The following ZDHHC3 variants were observed in gnomAD, a reference collection of about 807,000 sequenced individuals.
The protein encoded by ZDHHC3 is palmitoyltransferase ZDHHC3.
In ZDHHC3, 9 loss-of-function variants were observed where a neutral mutation model predicts 30.6. The observed-to-expected ratio is 0.29, with a 90% CI of 0.18 to 0.51. ZDHHC3 has a LOEUF of 0.51. ZDHHC3 is among the 20% of genes least tolerant of loss of function. The pLI, the probability that ZDHHC3 is intolerant of heterozygous loss-of-function variation, is 0.97. For missense variants in ZDHHC3, 246 were observed against 384.2 expected, an observed-to-expected ratio of 0.64 and a Z score of 3.01; for synonymous variants, 136 against 140.2, an observed-to-expected ratio of 0.97 and a Z score of 0.21.
In ZDHHC3 at chr3:44,959,059, TG is replaced by T; in HGVS notation, c.306+71del. 1 of 1,555,324 alleles carries T rather than the reference TG, an allele frequency of 6.4e-7. No individual in the cohort carries two copies. The highest frequency in any genetic ancestry group is 8.8e-7 in the Non-Finnish European group (1 of 1,138,126). Reference sequence around the variant, plus strand: ...AAGTTCCCAAGGTCCAGGGGGAACATGCAGGCTGTGGCCATGCCAGAGCCAG... The same window carrying T: ...AAGTTCCCAAGGTCCAGGGGGAACATCAGGCTGTGGCCATGCCAGAGCCAG... On this transcript the variant is annotated intron_variant, in intron 2 of 6. Coordinates refer to ENST00000424952, the MANE Select transcript of ZDHHC3 (RefSeq NM_001135179.2). This position sits in a 1 kb window ranked among gnomAD's most constrained non-coding sequence, Gnocchi z 4.3.
At chr3:44,934,646 CT>C (rs1701791278) in intron 3 of ZDHHC3, among the ~76,000 whole-genome samples, 1 of 150,054 alleles carries the variant, frequency 6.7e-6, no homozygotes, top group Admixed American at 6.7e-5. Context: ...AATCCCGGCA[CT>C]TTGCGAAGCT....
intron 1 of ZDHHC3, among the ~76,000 whole-genome samples, chr3:44,966,024 T>C (rs1348864621): frequency 6.6e-6 from 1 of 152,216 alleles, no homozygotes; most frequent in Non-Finnish European, 1.5e-5. Context: ...ATTCAACCAT[T>C]GGAGCCTGTA....
chr3:44,964,882 A>G (rs1704802334), intron 1 of ZDHHC3, among the ~76,000 whole-genome samples: 1 of 152,122 alleles, frequency 6.6e-6, no homozygotes, highest in Non-Finnish European at 1.5e-5. Context: ...GCGCCTCCAT[A>G]TATTAGTATT....
At chr3:44,953,970 C>T (rs1703699899) in intron 2 of ZDHHC3, among the ~76,000 whole-genome samples, 1 of 152,326 alleles carries the variant, frequency 6.6e-6, no homozygotes, top group Admixed American at 6.5e-5. Flanking sequence ...ATCATGCTGC[C>T]ATGCTACCCT....
chr3:44,941,660 G>A (rs1368461861), intron 3 of ZDHHC3, among the ~76,000 whole-genome samples: 1 of 151,880 alleles, frequency 6.6e-6, no homozygotes, highest in East Asian at 1.9e-4. Context: ...AACCTAGCAG[G>A]AGTGTCTAAT....
intron 1 of ZDHHC3, among the ~76,000 whole-genome samples, chr3:44,967,929 GA>G (rs1218725991): frequency 6.6e-6 from 1 of 152,202 alleles, no homozygotes; most frequent in African/African-American, 2.4e-5. Flanking sequence ...TATGCTTCAG[GA>G]CTACGCAAAG....
chr3:44,934,209 T>C lies in ZDHHC3; in HGVS notation c.432-225A>G, dbSNP rs115445804. ...GTACAGAGTCATTCTCCAAAGCCCC[T>C]TAGCTTAACACATACATAGGACGGA... On this transcript the variant is annotated intron_variant, in intron 3 of 6. Transcript: ENST00000424952. Among the ~76,000 whole-genome samples the C allele has an allele frequency of 4.9e-3, 748 of 152,268 alleles. 5 individuals are homozygous for C. Among genetic ancestry groups the C allele is most frequent in the African/African-American group, 0.017 (720 of 41,558 alleles).
chr3:44,926,008 A>G lies in ZDHHC3; in HGVS notation c.*681T>C. 1 of 985,848 alleles carries G rather than the reference A, an allele frequency of 1.0e-6. No individual in the cohort carries two copies. The highest frequency in any genetic ancestry group is 1.2e-6 in the Non-Finnish European group (1 of 829,940). 61.1% of individuals were successfully genotyped at this position (985,848 alleles called of 1,614,324 possible). A position where few individuals can be genotyped will look rare whatever the true frequency, so the allele number is the denominator to read the frequency against. On this transcript the variant is annotated 3_prime_UTR_variant, in exon 7 of 7. Transcript: ENST00000424952. ...CTTCCAAATAATCACAGGGAATATA[A>G]TTGCTGATTCAGAATACAAATAAGA...
intron 2 of ZDHHC3, among the ~76,000 whole-genome samples, chr3:44,947,693 T>C (rs1048463894): frequency 6.6e-6 from 1 of 152,218 alleles, no homozygotes; most frequent in Admixed American, 6.5e-5. Flanking sequence ...CCAGGGAGTA[T>C]GGCCCTGACT....
chr3:44,964,154 C>T (rs1460242691), intron 1 of ZDHHC3, among the ~76,000 whole-genome samples: 2 of 152,092 alleles, frequency 1.3e-5, no homozygotes, highest in African/African-American at 2.4e-5. Flanking sequence ...GCAGACACAC[C>T]CACAATAATG....
chr3:44,957,740 C>A (rs1704076556), intron 2 of ZDHHC3, among the ~76,000 whole-genome samples: 1 of 152,198 alleles, frequency 6.6e-6, no homozygotes, highest in Non-Finnish European at 1.5e-5. Flanking sequence ...TGATTAATCT[C>A]TCCACCCTTG....
In ZDHHC3 at chr3:44,926,425, G is replaced by A; in HGVS notation, c.*264C>T. ...TTAGTCATGCCAGACAGACAGCAGAGAGAAACCAGAGGCCAGAGAAGTGAT... is the reference window on the plus strand; with the variant it reads ...TTAGTCATGCCAGACAGACAGCAGAAAGAAACCAGAGGCCAGAGAAGTGAT... On this transcript the variant is annotated 3_prime_UTR_variant, in exon 7 of 7. Transcript: ENST00000424952. 8.4e-7 allele frequency: 1 copy of A among 1,195,870 alleles called. No homozygotes were observed. The highest frequency in any genetic ancestry group is 1.0e-6 in the Non-Finnish European group (1 of 964,576). 74.1% of individuals were successfully genotyped at this position (1,195,870 alleles called of 1,614,324 possible).
intron 3 of ZDHHC3, chr3:44,938,381 C>A: frequency 4.7e-6 from 1 of 212,492 alleles, no homozygotes; most frequent in Non-Finnish European, 9.9e-6. Flanking sequence ...TAAAGGGATT[C>A]TGGGGACTGC....
At chr3:44,960,603 T>C (rs911305781) in intron 1 of ZDHHC3, among the ~76,000 whole-genome samples, 1 of 152,228 alleles carries the variant, frequency 6.6e-6, no homozygotes, top group Non-Finnish European at 1.5e-5. Flanking sequence ...CTTTGGCCTG[T>C]TGCATCACCA....
chr3:44,917,770 C>T lies in ZDHHC3; in HGVS notation c.*8919G>A, dbSNP rs909795565. The stretch of plus-strand genomic sequence containing the variant: ...AAGGAGGGGAAATGGCAAGGCCAAG[C>T]GAGTGGCTAAGGGAAGCACTGGGGG... On this transcript the variant is annotated 3_prime_UTR_variant, in exon 7 of 7. Coordinates refer to ENST00000424952, the MANE Select transcript of ZDHHC3 (RefSeq NM_001135179.2). The T allele has an allele frequency of 2.0e-5, 23 of 1,152,616 alleles. No individual in the cohort carries two copies. The African/African-American group carries it at 2.2e-4, about 11-fold the overall frequency. 71.4% of individuals were successfully genotyped at this position (1,152,616 alleles called of 1,614,324 possible).
chr3:44,958,453 T>C (rs1575914314), intron 2 of ZDHHC3: 1 of 793,666 alleles, frequency 1.3e-6, no homozygotes, highest in Non-Finnish European at 2.1e-6. Context: ...TCTCTTGCTT[T>C]TCCCATACAA....
intron 2 of ZDHHC3, among the ~76,000 whole-genome samples, chr3:44,953,213 G>A (rs184170749): frequency 8.6e-4 from 131 of 152,254 alleles, no homozygotes; most frequent in African/African-American, 3.0e-3. Flanking sequence ...GCAGAAGTAG[G>A]GTTCTGACCC....
At position 44,918,236 on chromosome 3, in the gene ZDHHC3, G is replaced by T; in HGVS notation, c.*8453C>A. The T allele has an allele frequency of 3.3e-6, 3 of 919,392 alleles. No individual in the cohort carries two copies. Among genetic ancestry groups the T allele is most frequent in the Non-Finnish European group, 4.0e-6 (3 of 755,084 alleles). The allele number at this position is 919,392 out of a possible 1,614,324, so 57.0% of individuals were successfully genotyped here. A position where few individuals can be genotyped will look rare whatever the true frequency, so the allele number is the denominator to read the frequency against. Reference sequence around the variant, plus strand: ...CCCAGCTATAGCATAGCAGTGGCGGGGGGGGGGGCGGGGTGTCCACGGCAT... The same window carrying T: ...CCCAGCTATAGCATAGCAGTGGCGGTGGGGGGGGCGGGGTGTCCACGGCAT... On this transcript the variant is annotated 3_prime_UTR_variant, in exon 7 of 7. Transcript: ENST00000424952.
At chr3:44,953,562 C>T (rs1296416810) in intron 2 of ZDHHC3, among the ~76,000 whole-genome samples, 1 of 152,150 alleles carries the variant, frequency 6.6e-6, no homozygotes, top group Non-Finnish European at 1.5e-5. Flanking sequence ...TGTTTCAGGG[C>T]CATGGGATCA....
Sources: allele counts gnomAD v4.1 joint callset (sites outside exome capture counted in the v4.1 genomes callset), GRCh38; gene constraint gnomAD v4.1.1; non-coding constraint Gnocchi (gnomAD v3.1); transcripts MANE v1.5; gene names NCBI Gene and HGNC (gene_info 2026-07-23, HGNC 2026-07-21).